The following SCUBE1 variants were observed in gnomAD, a reference collection of about 807,000 sequenced individuals.
SCUBE1 encodes the protein signal peptide, CUB and EGF-like domain-containing protein 1.
In SCUBE1, 59 loss-of-function variants were observed where a neutral mutation model predicts 124.4. The ratio of observed to expected loss-of-function variants is 0.47; its 90% confidence interval spans 0.38 to 0.59. SCUBE1 has a LOEUF of 0.59. Among genes scored for constraint, SCUBE1 ranks in the 20% least tolerant of loss-of-function variants. SCUBE1 has a pLI of 0.00. For synonymous variants in SCUBE1, 545 were observed against 550.9 expected (o/e 0.99, Z 0.15); for missense variants, 1,150 against 1,371.2 (o/e 0.84, Z 2.55).
chr22:43,229,109 G>C lies in SCUBE1; in HGVS notation c.1047C>G (p.His349Gln). 6.2e-7 allele frequency: 1 copy of C among 1,613,880 alleles called. No individual in the cohort carries two copies. Among genetic ancestry groups the C allele is most frequent in the Non-Finnish European group, 8.5e-7 (1 of 1,179,986 alleles). Residue 349 changes from histidine (H) to glutamine (Q), a missense_variant, in exon 9 of 22, where the codon CAC becomes CAG. Transcript: ENST00000360835. Reference sequence around the variant, plus strand: ...TTGTCCCGTAGAGGATGTAGCCGCGGTGACACAGGCACTGGAAGCTGCCCG... The same window carrying C: ...TTGTCCCGTAGAGGATGTAGCCGCGCTGACACAGGCACTGGAAGCTGCCCG... The part of the protein sequence containing the change: ...NSPGSFQCLC[H>Q]RGYILYGTTH...
intron 4 of SCUBE1, among the ~76,000 whole-genome samples, chr22:43,267,746 C>T (rs1422091577): frequency 2.0e-5 from 3 of 152,176 alleles, no homozygotes; most frequent in Non-Finnish European, 4.4e-5. Context: ...TCTGTGCCTC[C>T]GAACCTCAGA....
chr22:43,231,640 G>A (rs4820507), intron 8 of SCUBE1, 113 bp downstream of exon 8: 333,884 of 1,342,794 alleles, frequency 0.25, 45,313 homozygotes, highest in Admixed American at 0.28. Context: ...ATTCCCTCGG[G>A]CCCAGCCCCA....
intron 6 of SCUBE1, among the ~76,000 whole-genome samples, chr22:43,240,207 G>A (rs1005034267): frequency 3.9e-5 from 6 of 152,108 alleles, no homozygotes; most frequent in African/African-American, 9.7e-5. Context: ...GATGAGCTGC[G>A]GCTGCCAGTG....
intron 3 of SCUBE1, among the ~76,000 whole-genome samples, chr22:43,306,378 G>A (rs1925970565): frequency 6.6e-6 from 1 of 152,180 alleles, no homozygotes; most frequent in Admixed American, 6.5e-5. Flanking sequence ...AGGAAGGCAA[G>A]TGTCTGCAGC....
chr22:43,218,334 C>T lies in SCUBE1; in HGVS notation c.1812G>A (p.Glu604=). The T allele has an allele frequency of 1.2e-6, 2 of 1,613,458 alleles. No individual in the cohort carries two copies. The highest frequency in any genetic ancestry group is 1.7e-6 in the Non-Finnish European group (2 of 1,180,034). ...GCGCCTTGGCTGGCCTCTGGGCTAC[C>T]TCGTACTCAGTGCCTGAGACCTGGA... ...FYVQVSGTEY[E]VAQRPAKALE... Residue 604 remains glutamate, a synonymous_variant, in exon 15 of 22, where the codon GAG becomes GAA. Transcript: ENST00000360835.
intron 10 of SCUBE1, among the ~76,000 whole-genome samples, chr22:43,226,552 C>A (rs1601810815): frequency 6.7e-6 from 1 of 149,400 alleles, no homozygotes; most frequent in Non-Finnish European, 1.5e-5. Context: ...CAGCTGGCGG[C>A]AGCCTTCGGG....
In SCUBE1 at chr22:43,209,013, G is replaced by C. The variant is rs565895195; in HGVS notation, c.2582-789C>G. 5.3e-5 allele frequency among the ~76,000 whole-genome samples: 8 copies of C among 152,302 alleles called. No individual in the cohort carries two copies. In the East Asian group the frequency reaches 1.6e-3, roughly 30 times the overall value. On this transcript the variant is annotated intron_variant, in intron 19 of 21. Transcript: ENST00000360835. ...ACAGAAGGAGGGGATGCTGGGGGCA[G>C]GGGAACGGGTGAGGGGAACGGGTGG... is the stretch of plus-strand genomic sequence containing the variant.
At position 43,212,454 on chromosome 22, in the gene SCUBE1, G is replaced by T; in HGVS notation, c.2192C>A (p.Thr731Asn). 4.5e-6 allele frequency: 7 copies of T among 1,552,500 alleles called. No individual in the cohort carries two copies. The highest frequency in any genetic ancestry group is 4.4e-6 in the Non-Finnish European group (5 of 1,147,878). The change falls in exon 17 of 22, where the codon ACC becomes AAC. Residue 731 changes from threonine to asparagine, a missense_variant. Transcript: ENST00000360835. ...AGCCTCGCAGTCCTGGAAGGAGGTGGTGCCTTCGTGTTTGGTGAGCAAACC... is the reference window on the plus strand; with the variant it reads ...AGCCTCGCAGTCCTGGAAGGAGGTGTTGCCTTCGTGTTTGGTGAGCAAACC... ...GGGLLTKHEG[T>N]TSFQDCEAKV...
Position 43,339,205 on chromosome 22 carries a change from C to T in SCUBE1, c.119G>A (p.Gly40Asp), listed in dbSNP as rs1927184903. ...GSVDVDECSE[G>D]TDDCHIDAIC... ...GGCATCGATGTGGCAGTCATCTGTG[C>T]CCTCTGAGCACTCATCCACGTCGAC... is the stretch of plus-strand genomic sequence containing the variant. Residue 40 changes from glycine (G) to aspartate (D), a missense_variant, in exon 2 of 22, where the codon GGC becomes GAC. Transcript: ENST00000360835. 2 of 1,613,688 alleles carry T rather than the reference C, an allele frequency of 1.2e-6. No homozygotes were observed. The highest frequency in any genetic ancestry group is 2.2e-5 in the East Asian group (1 of 44,870).
Position 43,310,467 on chromosome 22 carries a change from T to C in SCUBE1, c.349+9470A>G, listed in dbSNP as rs930356701. ...AAAGACCACATAAAGAGGCTGCCCA[T>C]AGTGTCCTGGCTGACAGCCAACCAC... On this transcript the variant is annotated intron_variant, in intron 3 of 21. Coordinates refer to ENST00000360835, the MANE Select transcript of SCUBE1 (RefSeq NM_173050.5). Among the ~76,000 whole-genome samples the C allele has an allele frequency of 3.3e-5, 5 of 152,188 alleles. No homozygotes were observed. The South Asian group carries it at 8.3e-4, about 25-fold the overall frequency.
intron 2 of SCUBE1, 72 bp downstream of exon 2, chr22:43,339,032 G>A (rs1215585275): frequency 6.4e-7 from 1 of 1,566,248 alleles, no homozygotes; most frequent in African/African-American, 1.4e-5. Context: ...GTGATGAATG[G>A]GGCAGGCATC....
intron 1 of SCUBE1, among the ~76,000 whole-genome samples, chr22:43,342,360 A>C (rs1927348050): frequency 1.3e-5 from 2 of 148,222 alleles, no homozygotes; most frequent in Non-Finnish European, 3.0e-5. Flanking sequence ...CCGCGTCCGG[A>C]CTCTCCTCCC....
At chr22:43,239,632 G>A (rs186451250) in intron 6 of SCUBE1, among the ~76,000 whole-genome samples, 28 of 152,370 alleles carry the variant, frequency 1.8e-4, no homozygotes, top group South Asian at 8.3e-4. Flanking sequence ...CCGTCATGCC[G>A]TGAGTGAGCC....
rs752101345 is a variant in SCUBE1, at chr22:43,207,564, G to A, written c.2784C>T (p.Tyr928=). ...AAATTTCCTGGTGGTTCTCCGAGGC[G>A]TACAGGCGCCCATCGCGCACGATGT... is the stretch of plus-strand genomic sequence containing the variant. ...IEDIVRDGRL[Y]ASENHQEILK... is the part of the protein sequence containing the mutation. The change falls in exon 21 of 22, where the codon TAC becomes TAT. Residue 928 remains tyrosine (Y), a synonymous_variant. Coordinates refer to ENST00000360835, the MANE Select transcript of SCUBE1 (RefSeq NM_173050.5). 67 of 1,613,902 alleles carry A rather than the reference G, an allele frequency of 4.2e-5. No individual in the cohort carries two copies. The highest frequency in any genetic ancestry group is 3.3e-4 in the Admixed American group (20 of 60,008).
chr22:43,237,585 A>C (rs1601819327), intron 7 of SCUBE1: 2 of 152,238 alleles, frequency 1.3e-5, no homozygotes, highest in African/African-American at 4.8e-5. Flanking sequence ...CGGTGGCCAC[A>C]GAAGGGCTTT....
intron 1 of SCUBE1, among the ~76,000 whole-genome samples, chr22:43,342,534 C>G (rs1240236089): frequency 1.3e-5 from 2 of 151,258 alleles, no homozygotes; most frequent in Non-Finnish European, 3.0e-5. Context: ...TCTGCGGCGT[C>G]CATCTGTCCC....
intron 4 of SCUBE1, among the ~76,000 whole-genome samples, chr22:43,267,434 T>C (rs538904727): frequency 1.4e-4 from 22 of 152,286 alleles, no homozygotes; most frequent in Admixed American, 1.1e-3. Context: ...ATTTTGAAAA[T>C]GCTCTTATGG....
At chr22:43,247,390 T>A (rs530553109) in intron 6 of SCUBE1, among the ~76,000 whole-genome samples, 1 of 152,312 alleles carries the variant, frequency 6.6e-6, no homozygotes, top group South Asian at 2.1e-4. Context: ...AGAATCTGGC[T>A]CAGGATAACC....
intron 6 of SCUBE1, among the ~76,000 whole-genome samples, chr22:43,257,574 G>A (rs955715418): frequency 6.6e-6 from 1 of 152,216 alleles, no homozygotes; most frequent in African/African-American, 2.4e-5. Context: ...GAGACGGGCT[G>A]GGGCAGCGGC....
Sources: allele counts gnomAD v4.1 joint callset (sites outside exome capture counted in the v4.1 genomes callset), GRCh38; gene constraint gnomAD v4.1.1; transcripts MANE v1.5; gene names NCBI Gene and HGNC (gene_info 2026-07-23, HGNC 2026-07-21).